The following TLN2 variants were observed in gnomAD, a reference collection of about 807,000 sequenced individuals.
TLN2 encodes talin-2.
Under a neutral mutation model 294.7 loss-of-function variants are expected in TLN2, and 118 were observed. The observed-to-expected ratio is 0.40, with a 90% confidence interval of 0.34 to 0.47. TLN2 has a LOEUF of 0.47. Among genes scored for constraint, TLN2 ranks in the 20% least tolerant of loss-of-function variants. The probability of loss-of-function intolerance (pLI) is 0.84; values close to 1 mark genes in which losing one functional copy is unlikely to be tolerated. For synonymous variants in TLN2, 1,431 were observed against 1,304.5 expected (o/e 1.10, Z -2.09); for missense variants, 3,083 against 3,282.2 (o/e 0.94, Z 1.48).
chr15:62,600,394 A>G, intron 2 of TLN2, among the ~76,000 whole-genome samples: 1 of 152,242 alleles, frequency 6.6e-6, no homozygotes, highest in East Asian at 1.9e-4. Flanking sequence ...ATTAGAGGCC[A>G]GTATTCTGTC....
At chr15:62,744,404 ATTTT>A (rs71131126) in intron 32 of TLN2, among the ~76,000 whole-genome samples, 2 of 125,028 alleles carry the variant, frequency 1.6e-5, no homozygotes, top group African/African-American at 3.0e-5. Flanking sequence ...GTTATTTTTA[ATTTT>A]TTTTTTTTTT....
intron 1 of TLN2, among the ~76,000 whole-genome samples, chr15:62,573,802 G>T (rs1434475213): frequency 6.7e-6 from 1 of 148,928 alleles, no homozygotes; most frequent in Admixed American, 6.7e-5. Flanking sequence ...AACAACAGAA[G>T]GAGCCCTCCC....
intron 1 of TLN2, among the ~76,000 whole-genome samples, chr15:62,542,732 G>A (rs1460021657): frequency 2.6e-5 from 4 of 152,064 alleles, no homozygotes; most frequent in African/African-American, 4.8e-5. Context: ...CTTGTCCTAG[G>A]ACTGTCTTGG....
chr15:62,835,881 C>A lies in TLN2; in HGVS notation c.7192-10C>A. On this transcript the variant is annotated splice_polypyrimidine_tract_variant and intron_variant, in intron 56 of 58. Coordinates refer to ENST00000636159, the MANE Select transcript of TLN2 (RefSeq NM_015059.3). ...GGGCCTTGGGTCACTTCTCCGTTGA[C>A]TGTCCCCAGGCCCGGATGGTGGCGG... 6.2e-7 allele frequency: 1 copy of A among 1,614,240 alleles called. No individual in the cohort carries two copies. The highest frequency in any genetic ancestry group is 8.5e-7 in the Non-Finnish European group (1 of 1,180,042).
In TLN2 at chr15:62,809,996, C is replaced by T; in HGVS notation, c.6735C>T (p.Thr2245=). ...TRALRFGTEC[T]LGYLDLLEHV... ...CCTTGCGTTTCGGGACGGAGTGCAC[C>T]CTTGGCTACTTGGACCTCCTGGAGC... The change falls in exon 52 of 59, where the codon ACC becomes ACT. Residue 2245 remains threonine (T), a synonymous_variant. Transcript: ENST00000636159. 1 of 1,614,040 alleles carries T rather than the reference C, an allele frequency of 6.2e-7. No individual in the cohort carries two copies. Among genetic ancestry groups the T allele is most frequent in the Non-Finnish European group, 8.5e-7 (1 of 1,179,998 alleles).
chr15:62,702,272 C>T (rs1803225131), intron 18 of TLN2, 72 bp downstream of exon 18: 2 of 1,475,710 alleles, frequency 1.4e-6, no homozygotes, highest in East Asian at 2.5e-5. Flanking sequence ...CCATGGGGCT[C>T]TTGCTTCCCG....
At chr15:62,550,499 A>G (rs1449709613) in intron 1 of TLN2, among the ~76,000 whole-genome samples, 1 of 152,212 alleles carries the variant, frequency 6.6e-6, no homozygotes, top group Non-Finnish European at 1.5e-5. Flanking sequence ...TGCTTGATTC[A>G]TTATTTAAAA....
intron 2 of TLN2, among the ~76,000 whole-genome samples, chr15:62,604,542 A>G (rs538051308): frequency 4.3e-4 from 64 of 150,074 alleles, no homozygotes; most frequent in Middle Eastern, 3.4e-3. Flanking sequence ...AAAAAAAAAA[A>G]AAAAGAAAAG....
At chr15:62,655,891 T>C in intron 7 of TLN2, 53 bp from the exon 8 acceptor site, 1 of 1,603,270 alleles carries the variant, frequency 6.2e-7, no homozygotes, top group Non-Finnish European at 8.5e-7. Flanking sequence ...AAATTCCCTT[T>C]AATTAACAGG....
intron 1 of TLN2, among the ~76,000 whole-genome samples, chr15:62,494,616 C>G (rs1445946158): frequency 6.6e-6 from 1 of 152,124 alleles, no homozygotes; most frequent in Non-Finnish European, 1.5e-5. Flanking sequence ...TCTTCCCTCC[C>G]CCGTGCTTTA....
At chr15:62,812,782 A>T (rs1048425679) in intron 52 of TLN2, among the ~76,000 whole-genome samples, 2 of 152,036 alleles carry the variant, frequency 1.3e-5, no homozygotes, top group Admixed American at 1.3e-4. Flanking sequence ...TCTTGTGTGT[A>T]TGGTGTGCCT....
chr15:62,410,119 G>T (rs1011728368), intron 1 of TLN2, among the ~76,000 whole-genome samples: 3 of 152,112 alleles, frequency 2.0e-5, no homozygotes, highest in Admixed American at 2.0e-4. Context: ...GTGTGCGCCT[G>T]TAATCCCAGC....
chr15:62,494,977 ATAC>A (rs1050335260), intron 1 of TLN2, among the ~76,000 whole-genome samples: 22 of 152,170 alleles, frequency 1.4e-4, no homozygotes, highest in African/African-American at 4.8e-4. Flanking sequence ...TGAGAAGGCA[ATAC>A]TGGGTAAAGG....
intron 1 of TLN2, among the ~76,000 whole-genome samples, chr15:62,584,548 A>ATG (rs1370205454): frequency 6.6e-6 from 1 of 152,196 alleles, no homozygotes; most frequent in Non-Finnish European, 1.5e-5. Context: ...CTAGCTGGAA[A>ATG]GTCAGTGCAG....
At chr15:62,690,305 G>A (rs1304285195) in intron 12 of TLN2, 2 of 155,304 alleles carry the variant, frequency 1.3e-5, no homozygotes, top group South Asian at 1.7e-4. Context: ...GGGCGGCCGG[G>A]CAGAGACGCT....
At chr15:62,761,915 C>G (rs2062700362) in intron 38 of TLN2, 94 bp downstream of exon 38, 2 of 1,523,110 alleles carry the variant, frequency 1.3e-6, no homozygotes, top group Non-Finnish European at 1.8e-6. Flanking sequence ...ACAGCTCTCT[C>G]TGTCAACATG....
In TLN2 at chr15:62,779,194, T is replaced by G. The variant is rs146007985; in HGVS notation, c.5515-1946T>G. On this transcript the variant is annotated intron_variant, in intron 43 of 58. Coordinates refer to ENST00000636159, the MANE Select transcript of TLN2 (RefSeq NM_015059.3). ...TCTCGTCATCTCAGCACTAGGAGGT[T>G]TGGAGACTCACAAGTGAGTATGAAG... Among the ~76,000 whole-genome samples, 1,081 of 152,288 alleles carry G rather than the reference T, an allele frequency of 7.1e-3. 11 individuals carry two copies. Among genetic ancestry groups the G allele is most frequent in the African/African-American group, 0.025 (1,024 of 41,550 alleles).
intron 1 of TLN2, among the ~76,000 whole-genome samples, chr15:62,508,181 A>G (rs1488987129): frequency 1.3e-5 from 2 of 151,984 alleles, no homozygotes; most frequent in African/African-American, 4.8e-5. Flanking sequence ...ATGAGTGACT[A>G]TTTAAGCCCT....
chr15:62,669,132 C>T (rs117398995), intron 9 of TLN2, among the ~76,000 whole-genome samples: 1 of 152,166 alleles, frequency 6.6e-6, no homozygotes, highest in African/African-American at 2.4e-5. Context: ...CTTTAGATTT[C>T]CATGATTTTT....
Sources: allele counts gnomAD v4.1 joint callset (sites outside exome capture counted in the v4.1 genomes callset), GRCh38; gene constraint gnomAD v4.1.1; transcripts MANE v1.5; gene names NCBI Gene and HGNC (gene_info 2026-07-23, HGNC 2026-07-21).